The following TNRC18 variants were observed in gnomAD, a reference collection of about 807,000 sequenced individuals.
The protein encoded by TNRC18 is trinucleotide repeat containing 18.
Under a neutral mutation model 226.7 loss-of-function variants are expected in TNRC18, and 69 were observed. That is an observed-to-expected ratio of 0.30 (90% CI 0.25 to 0.37). TNRC18 has a LOEUF of 0.37. TNRC18 is among the 10% of genes least tolerant of loss of function. TNRC18 has a pLI of 1.00. For missense variants in TNRC18, 4,754 were observed against 4,256.6 expected (o/e 1.12, Z -3.25); for synonymous variants, 2,449 against 1,927.6 (o/e 1.27, Z -7.09).
chr7:5,370,691 C>G lies in TNRC18; in HGVS notation c.3903G>C (p.Gly1301=). ...LEMSDCDVPA[G]EGQCPSLEPQ... ...GCTCCAGGCTCGGGCACTGTCCCTC[C>G]CCGGCGGGCACGTCACAGTCTGACA... The change falls in exon 11 of 30, where the codon GGG becomes GGC. Residue 1301 remains glycine, a synonymous_variant. Coordinates refer to ENST00000430969, the MANE Select transcript of TNRC18 (RefSeq NM_001080495.3). 1.2e-6 allele frequency: 2 copies of G among 1,611,762 alleles called. No individual in the cohort carries two copies. Among genetic ancestry groups the G allele is most frequent in the Non-Finnish European group, 1.7e-6 (2 of 1,179,422 alleles).
Position 5,307,963 on chromosome 7 carries a change from T to C in TNRC18, c.*143A>G. The C allele has an allele frequency of 1.4e-6, 1 of 720,068 alleles. No homozygotes were observed. Among genetic ancestry groups the C allele is most frequent in the East Asian group, 2.7e-5 (1 of 36,844 alleles). The allele number at this position is 720,068 out of a possible 1,614,324, so 44.6% of individuals were successfully genotyped here. A position where few individuals can be genotyped will look rare whatever the true frequency, so the allele number is the denominator to read the frequency against. Reference sequence around the variant, plus strand: ...GCATGCACACACACTCACCCGGGCATCCACGTGCACACCTGGCCCCATGCA... The same window carrying C: ...GCATGCACACACACTCACCCGGGCACCCACGTGCACACCTGGCCCCATGCA... On this transcript the variant is annotated 3_prime_UTR_variant, in exon 30 of 30. Transcript: ENST00000430969.
intron 12 of TNRC18, 149 bp downstream of exon 12, chr7:5,362,501 C>T (rs1290734309): frequency 5.4e-6 from 4 of 736,852 alleles, no homozygotes; most frequent in Non-Finnish European, 8.5e-6. Flanking sequence ...ACTGGGACCA[C>T]ACAGCACATC....
At chr7:5,413,485 TCTCCTCGTC>T (rs1332433593) in intron 2 of TNRC18, among the ~76,000 whole-genome samples, 1 of 152,132 alleles carries the variant, frequency 6.6e-6, no homozygotes, top group African/African-American at 2.4e-5. Flanking sequence ...CTCCTGCTTC[TCTCCTCGTC>T]TACCAGACTG....
intron 18 of TNRC18, 125 bp downstream of exon 18, chr7:5,345,437 G>A (rs1213818586): frequency 1.1e-5 from 11 of 966,526 alleles, no homozygotes; most frequent in East Asian, 5.3e-5. Flanking sequence ...CCACGAGGCT[G>A]GGGTTCTGCC....
Position 5,420,919 on chromosome 7 carries a change from C to T in TNRC18, c.187+141G>A, listed in dbSNP as rs79032618. On this transcript the variant is annotated intron_variant, in intron 2 of 29. Coordinates refer to ENST00000430969, the MANE Select transcript of TNRC18 (RefSeq NM_001080495.3). ...GCTCCGGGACCAGGAGTTTCCCAGC[C>T]CTGGGAGCCGAGTCTGCCCGCACCC... 0.067 allele frequency: 70,653 copies of T among 1,050,740 alleles called. 9,317 individuals carry two copies. Among genetic ancestry groups the T allele is most frequent in the East Asian group, 0.59 (22,765 of 38,448 alleles). The allele number at this position is 1,050,740 out of a possible 1,614,324, so 65.1% of individuals were successfully genotyped here. A position where few individuals can be genotyped will look rare whatever the true frequency, so the allele number is the denominator to read the frequency against.
At chr7:5,323,336 C>G (rs957374755) in intron 21 of TNRC18, among the ~76,000 whole-genome samples, 2 of 151,192 alleles carry the variant, frequency 1.3e-5, no homozygotes, top group Non-Finnish European at 3.0e-5. Context: ...AGGGCTTCCC[C>G]CCACCCCCAC....
intron 18 of TNRC18, 45 bp downstream of exon 18, chr7:5,345,517 G>GGGGGGGGGCCCCCCCCCCC: frequency 1.3e-5 from 5 of 377,740 alleles, no homozygotes; most frequent in Non-Finnish European, 2.4e-5. Flanking sequence ...AATGGCGTCC[G>GGGGGGGGGCCCCCCCCCCC]CCCCTCCCAC....
At chr7:5,319,353 G>A (rs546137728) in intron 24 of TNRC18, among the ~76,000 whole-genome samples, 49 of 151,958 alleles carry the variant, frequency 3.2e-4, no homozygotes, top group Admixed American at 2.2e-3. Context: ...TTTTTTGCAC[G>A]GGCGGGGTTT....
intron 27 of TNRC18, among the ~76,000 whole-genome samples, chr7:5,311,003 CATGT>C (rs1429551907): frequency 1.3e-4 from 19 of 151,672 alleles, no homozygotes; most frequent in Admixed American, 2.6e-4. Flanking sequence ...CACGTGCACG[CATGT>C]ATGTGCCTAC....
chr7:5,308,788 G>A (rs1786875530), intron 29 of TNRC18, 87 bp downstream of exon 29: 1 of 1,423,722 alleles, frequency 7.0e-7, no homozygotes, highest in African/African-American at 1.4e-5. Context: ...GGACAGAGCA[G>A]CAGATGCTGA....
chr7:5,420,101 C>T (rs946521252), intron 2 of TNRC18: 12 of 291,772 alleles, frequency 4.1e-5, no homozygotes, highest in Non-Finnish European at 8.1e-5. Context: ...GTCCCCGAGT[C>T]TCCTTCCCAC....
chr7:5,364,279 C>T (rs1039853780), intron 11 of TNRC18, among the ~76,000 whole-genome samples: 29 of 151,934 alleles, frequency 1.9e-4, no homozygotes, highest in Admixed American at 1.6e-3. Context: ...GGCAACACAG[C>T]GAGACTCCAG....
chr7:5,376,881 C>G lies in TNRC18; in HGVS notation c.2574G>C (p.Leu858=). Residue 858 remains leucine (L), a synonymous_variant, in exon 8 of 30, where the codon CTG becomes CTC. Transcript: ENST00000430969. ...QFVRDPQSGQ[L]VVIPSDHLPH... ...GAAGGTGATCACTGGGAATGACCAC[C>G]AGCTGGCCCGATTGGGGGTCCCTGA... 6.2e-7 allele frequency: 1 copy of G among 1,611,590 alleles called. No individual in the cohort carries two copies. The highest frequency in any genetic ancestry group is 8.5e-7 in the Non-Finnish European group (1 of 1,178,920).
At position 5,421,382 on chromosome 7, in the gene TNRC18, C is replaced by CGG; in HGVS notation, c.-138_-137dup. The CGG allele has an allele frequency of 1.2e-6, 1 of 847,776 alleles. No homozygotes were observed. Among genetic ancestry groups the CGG allele is most frequent in the Non-Finnish European group, 1.5e-6 (1 of 661,070 alleles). 52.5% of individuals were successfully genotyped at this position (847,776 alleles called of 1,614,324 possible). A position where few individuals can be genotyped will look rare whatever the true frequency, so the allele number is the denominator to read the frequency against. ...CCGCGGCGTGCATGGCGGCGGCCAG[C>CGG]GGGGCTTGCGCTCGGCGGCGGGCCC... On this transcript the variant is annotated 5_prime_UTR_variant, in exon 2 of 30. It removes the in-frame stop codon of an upstream open reading frame in the 5' UTR. Transcript: ENST00000430969.
intron 21 of TNRC18, among the ~76,000 whole-genome samples, chr7:5,323,219 G>C (rs1226849736): frequency 6.6e-6 from 1 of 152,000 alleles, no homozygotes; most frequent in Non-Finnish European, 1.5e-5. Context: ...CCATACCCAC[G>C]ATTTCGCCTC....
chr7:5,400,589 G>C (rs1157263379), intron 2 of TNRC18, among the ~76,000 whole-genome samples: 23 of 152,188 alleles, frequency 1.5e-4, no homozygotes, highest in Admixed American at 1.5e-3. Context: ...TCCAGCCTGG[G>C]CGACAGAGTG....
At chr7:5,362,889 G>A in intron 11 of TNRC18, 64 bp from the exon 12 acceptor site, 3 of 1,430,980 alleles carry the variant, frequency 2.1e-6, no homozygotes, top group Non-Finnish European at 2.7e-6. Flanking sequence ...AAACGGGGAT[G>A]CCGAGGCCCA....
chr7:5,351,882 G>C lies in TNRC18; in HGVS notation c.5407C>G (p.Leu1803Val). 1 of 1,613,374 alleles carries C rather than the reference G, an allele frequency of 6.2e-7. No individual in the cohort carries two copies. Among genetic ancestry groups the C allele is most frequent in the Non-Finnish European group, 8.5e-7 (1 of 1,179,666 alleles). ...ATSRKQPFCL[L>V]LREAEARSSF... Reference sequence around the variant, plus strand: ...GAACGCGCCTCGGCCTCTCGAAGCAGCAGACAAAACGGCTGCTTCCTGCTG... The same window carrying C: ...GAACGCGCCTCGGCCTCTCGAAGCACCAGACAAAACGGCTGCTTCCTGCTG... Residue 1803 changes from leucine to valine, a missense_variant, in exon 17 of 30, where the codon CTG becomes GTG. Coordinates refer to ENST00000430969, the MANE Select transcript of TNRC18 (RefSeq NM_001080495.3).
intron 5 of TNRC18, among the ~76,000 whole-genome samples, chr7:5,379,518 C>G (rs1347652791): frequency 7.0e-6 from 1 of 142,670 alleles, no homozygotes; most frequent in African/African-American, 3.0e-5. Flanking sequence ...ATCCCTGTCC[C>G]TCCCTATAGC....
Sources: gnomAD v4.1 joint callset for allele counts (sites outside exome capture counted in the v4.1 genomes callset) on GRCh38, gnomAD v4.1.1 for gene constraint, MANE v1.5 for transcripts, NCBI Gene and HGNC (gene_info 2026-07-23, HGNC 2026-07-21) for gene names.